Variants in RBFOX1 observed in about 807,000 individuals in gnomAD.
RBFOX1 encodes the protein RNA binding protein fox-1 homolog 1.
A neutral mutation model predicts 57.7 loss-of-function variants in RBFOX1; 8 were observed. The observed-to-expected ratio is 0.14, with a 90% CI of 0.08 to 0.25. RBFOX1 has a LOEUF of 0.25. Ranked by LOEUF, RBFOX1 falls within the 10% of genes least tolerant of loss-of-function variation. RBFOX1 has a pLI of 1.00. For synonymous variants in RBFOX1, 326 were observed against 222.4 expected, an observed-to-expected ratio of 1.47 and a Z score of -4.15; for missense variants, 611 against 548.5, an observed-to-expected ratio of 1.11 and a Z score of -1.14.
chr16:7,483,302 C>A (rs2064494890), intron 4 of RBFOX1, among the ~76,000 whole-genome samples: 2 of 152,140 alleles, frequency 1.3e-5, no homozygotes, highest in Non-Finnish European at 2.9e-5. Flanking sequence ...AGAGCGTTGG[C>A]TTCACAATCT....
intron 3 of RBFOX1, among the ~76,000 whole-genome samples, chr16:7,047,353 CTG>C (rs553896156): frequency 6.9e-4 from 105 of 152,168 alleles, no homozygotes; most frequent in African/African-American, 2.0e-3. Context: ...ATTTCAATAA[CTG>C]TGTGTTATTT....
At chr16:7,185,832 A>G (rs2083617705) in intron 4 of RBFOX1, among the ~76,000 whole-genome samples, 1 of 152,166 alleles carries the variant, frequency 6.6e-6, no homozygotes, top group South Asian at 2.1e-4. Flanking sequence ...TACTTGATGA[A>G]CAAGAGTGAT....
At chr16:5,347,120 C>T (rs193296331) in intron 1 of RBFOX1, among the ~76,000 whole-genome samples, 19 of 152,246 alleles carry the variant, frequency 1.2e-4, no homozygotes, top group Admixed American at 3.9e-4. Flanking sequence ...TGTTGCTCAT[C>T]CTCCTCCTGG....
intron 4 of RBFOX1, among the ~76,000 whole-genome samples, chr16:7,422,306 A>T (rs555858388): frequency 3.3e-5 from 5 of 152,104 alleles, no homozygotes; most frequent in Non-Finnish European, 5.9e-5. Flanking sequence ...ATACCATGCC[A>T]CCCACACAGG....
At chr16:7,313,324 A>G (rs988539752) in intron 4 of RBFOX1, among the ~76,000 whole-genome samples, 7 of 152,120 alleles carry the variant, frequency 4.6e-5, no homozygotes, top group African/African-American at 1.7e-4. Context: ...TAACACAGGA[A>G]GGGGTTGAGT....
intron 3 of RBFOX1, among the ~76,000 whole-genome samples, chr16:5,725,969 G>A (rs987414063): frequency 2.6e-5 from 4 of 152,154 alleles, no homozygotes; most frequent in Middle Eastern, 3.4e-3. Flanking sequence ...CATTTCTGAG[G>A]TTGGTCACCA....
Position 7,068,901 on chromosome 16 carries a change from A to G in RBFOX1, c.27+16803A>G, listed in dbSNP as rs985935019. On this transcript the variant is annotated intron_variant, in intron 4 of 15. Transcript: ENST00000550418. ...ACCGCGCCCGGCCTGATACTATTTT[A>G]TTACTTGATAGTTCTGTTGATTTCT... Among the ~76,000 whole-genome samples the G allele has an allele frequency of 2.0e-5, 3 of 152,170 alleles. No homozygotes were observed. The East Asian group carries it at 5.8e-4, about 29-fold the overall frequency.
intron 1 of RBFOX1, among the ~76,000 whole-genome samples, chr16:6,241,689 G>A (rs1339960980): frequency 6.6e-6 from 1 of 152,148 alleles, no homozygotes; most frequent in East Asian, 1.9e-4. Flanking sequence ...TGATACTGAG[G>A]AAATAAATCA....
In RBFOX1 at chr16:6,943,724, A is replaced by T. The variant is rs891502850; in HGVS notation, c.-15-108333A>T. Among the ~76,000 whole-genome samples the T allele has an allele frequency of 3.3e-5, 5 of 151,926 alleles. No individual in the cohort carries two copies. In the East Asian group the frequency reaches 7.8e-4, roughly 24 times the overall value. On this transcript the variant is annotated intron_variant, in intron 3 of 15. Coordinates refer to ENST00000550418, the MANE Select transcript of RBFOX1 (RefSeq NM_018723.4). ...CTCTGTCTTTAAAAAAAAAAAAAAA[A>T]AAAGTATTCGCCTGTAACAATAGCT...
chr16:5,370,104 C>A (rs1041170947), intron 1 of RBFOX1, among the ~76,000 whole-genome samples: 3 of 152,150 alleles, frequency 2.0e-5, no homozygotes, highest in Non-Finnish European at 4.4e-5. Flanking sequence ...AGGGAACAAA[C>A]TGTACAGAAA....
intron 2 of RBFOX1, among the ~76,000 whole-genome samples, chr16:6,504,074 G>C (rs559209462): frequency 6.6e-6 from 1 of 152,082 alleles, no homozygotes; most frequent in Admixed American, 6.5e-5. Flanking sequence ...TTTGCTTTTT[G>C]GTTCTTTTTT....
intron 3 of RBFOX1, among the ~76,000 whole-genome samples, chr16:6,738,078 T>G (rs1344936607): frequency 8.6e-6 from 1 of 116,036 alleles, no homozygotes; most frequent in Admixed American, 9.3e-5. Flanking sequence ...GCGGTAATTC[T>G]TAAAAAAAAA....
intron 1 of RBFOX1, among the ~76,000 whole-genome samples, chr16:6,224,912 G>A (rs910909739): frequency 6.6e-6 from 1 of 151,716 alleles, no homozygotes; most frequent in African/African-American, 2.4e-5. Context: ...CTACCTTCTT[G>A]GGAGGCTGAG....
chr16:6,880,349 G>C (rs2062686048), intron 3 of RBFOX1, among the ~76,000 whole-genome samples: 1 of 152,136 alleles, frequency 6.6e-6, no homozygotes, highest in African/African-American at 2.4e-5. Flanking sequence ...CCACTGCCTT[G>C]GTTTTTAGTA....
At chr16:7,322,414 G>A (rs1001957486) in intron 4 of RBFOX1, among the ~76,000 whole-genome samples, 1 of 152,240 alleles carries the variant, frequency 6.6e-6, no homozygotes. Flanking sequence ...GATTTCACGT[G>A]AAAACAGCCA....
chr16:7,063,304 C>A (rs1175958244), intron 4 of RBFOX1, among the ~76,000 whole-genome samples: 2 of 151,952 alleles, frequency 1.3e-5, no homozygotes, highest in African/African-American at 4.8e-5. Context: ...TCCCCCCAAC[C>A]CCAGGGGACC....
intron 4 of RBFOX1, among the ~76,000 whole-genome samples, chr16:7,124,142 A>G (rs148762675): frequency 6.6e-6 from 1 of 152,310 alleles, no homozygotes; most frequent in African/African-American, 2.4e-5. Context: ...ACTTGTACAT[A>G]AAATAAAAGC....
chr16:5,577,284 C>G (rs1023592342), intron 2 of RBFOX1, among the ~76,000 whole-genome samples: 2 of 152,210 alleles, frequency 1.3e-5, no homozygotes, highest in African/African-American at 4.8e-5. Context: ...GTCTGATTGG[C>G]TCTGTAACTA....
At chr16:6,120,184 T>G (rs1312324312) in intron 1 of RBFOX1, among the ~76,000 whole-genome samples, 1 of 152,348 alleles carries the variant, frequency 6.6e-6, no homozygotes, top group East Asian at 1.9e-4. Context: ...ATCCGTTGAT[T>G]AGCATTTGCG....
Sources: allele counts gnomAD v4.1 joint callset (sites outside exome capture counted in the v4.1 genomes callset), GRCh38; gene constraint gnomAD v4.1.1; transcripts MANE v1.5; gene names NCBI Gene and HGNC (gene_info 2026-07-23, HGNC 2026-07-21).